CABIN1: variants seen among roughly 807,000 people sequenced by gnomAD.
CABIN1 encodes the protein calcineurin binding protein 1, also known as calcineurin-binding protein cabin-1.
In CABIN1, 133 loss-of-function variants were observed where a neutral mutation model predicts 227.7. The ratio of observed to expected loss-of-function variants is 0.58; its 90% CI spans 0.51 to 0.67. The LOEUF is 0.67. Ranked by LOEUF, CABIN1 falls within the 30% of genes least tolerant of loss-of-function variation. CABIN1 has a pLI of 0.00. For missense variants in CABIN1, 2,408 were observed against 2,852.5 expected (o/e 0.84, Z 3.55); for synonymous variants, 1,086 against 1,155.1 (o/e 0.94, Z 1.21).
intron 1 of CABIN1, among the ~76,000 whole-genome samples, chr22:24,012,433 A>G (rs1048320431): frequency 6.6e-6 from 1 of 152,142 alleles, no homozygotes; most frequent in Non-Finnish European, 1.5e-5. Flanking sequence ...AGCCTCATAC[A>G]TGAGGGGAAA....
At chr22:24,062,119 G>A (rs997042251) in intron 13 of CABIN1, 94 bp downstream of exon 13, 1 of 1,031,834 alleles carries the variant, frequency 9.7e-7, no homozygotes, top group African/African-American at 1.6e-5. Context: ...ATGGAATTTA[G>A]CCTTATATCT....
At position 24,064,163 on chromosome 22, in the gene CABIN1, T is replaced by C. The variant is rs2039412404; in HGVS notation, c.2013T>C (p.Asn671=). 1 of 1,614,222 alleles carries C rather than the reference T, an allele frequency of 6.2e-7. No homozygotes were observed. Among genetic ancestry groups the C allele is most frequent in the Non-Finnish European group, 8.5e-7 (1 of 1,180,036 alleles). The change falls in exon 15 of 37, where the codon AAT becomes AAC. Residue 671 remains asparagine (N), a synonymous_variant. Coordinates refer to ENST00000263119, the MANE Select transcript of CABIN1 (RefSeq NM_012295.4). ...TCATCCGGCTGCCCAACCTCCATAA[T>C]GACTCTGTGGTTTCCCTGGAGGAGG... ...DIVIRLPNLH[N]DSVVSLEEID... is the part of the protein sequence containing the mutation.
intron 29 of CABIN1, among the ~76,000 whole-genome samples, chr22:24,155,162 G>A (rs1170313618): frequency 6.6e-6 from 1 of 152,160 alleles, no homozygotes; most frequent in Non-Finnish European, 1.5e-5. Context: ...GACTGTCCCA[G>A]TGCAGCCTAC....
At chr22:24,096,928 A>G (rs2041928633) in intron 25 of CABIN1, among the ~76,000 whole-genome samples, 1 of 152,210 alleles carries the variant, frequency 6.6e-6, no homozygotes, top group Non-Finnish European at 1.5e-5. Flanking sequence ...TGAGTGCCAG[A>G]GAGGCCTGCA....
At chr22:24,066,861 T>G (rs182005696) in intron 15 of CABIN1, 126 bp from the exon 16 acceptor site, 105 of 849,346 alleles carry the variant, frequency 1.2e-4, no homozygotes, top group African/African-American at 9.3e-4. Flanking sequence ...TAATTTTTTT[T>G]GGGCTGGAAC....
rs546349007 is a variant in CABIN1, at chr22:24,096,128, C to T, written c.3938+46C>T. Reference sequence around the variant, plus strand: ...GACCCCTAGCAGCTTACCCCATCTGCATCCCAGATGGCTCGTTTACTGCAA... The same window carrying T: ...GACCCCTAGCAGCTTACCCCATCTGTATCCCAGATGGCTCGTTTACTGCAA... On this transcript the variant is annotated intron_variant, in intron 25 of 36. Transcript: ENST00000263119. 2.5e-5 allele frequency: 40 copies of T among 1,597,204 alleles called. 1 individual carries two copies. In the South Asian group the frequency reaches 3.5e-4, roughly 14 times the overall value.
chr22:24,166,812 C>G lies in CABIN1; in HGVS notation c.5181C>G (p.Leu1727=). The change falls in exon 32 of 37, where the codon CTC becomes CTG. Residue 1727 remains leucine (L), a synonymous_variant. Transcript: ENST00000263119. The part of the protein sequence containing the change: ...PGPEPGGKVG[L]LNHRPVAMDA... ...CCGAGCCAGGAGGCAAAGTGGGCCT[C>G]CTCAACCACCGGCCTGTGGCCATGG... The G allele has an allele frequency of 6.2e-7, 1 of 1,613,058 alleles. No homozygotes were observed. The highest frequency in any genetic ancestry group is 1.1e-5 in the South Asian group (1 of 91,090).
chr22:24,130,042 T>G (rs1478543177), intron 28 of CABIN1, among the ~76,000 whole-genome samples: 1 of 152,236 alleles, frequency 6.6e-6, no homozygotes, highest in Non-Finnish European at 1.5e-5. Context: ...GCCTGTATGC[T>G]TCTACGATTC....
Position 24,087,420 on chromosome 22 carries a change from G to T in CABIN1, c.3264-32G>T, listed in dbSNP as rs371668913. ...TCTTCCATGCTTTTCATGTAGTGTT[G>T]TTTTTAGCTGGTGCTTTTGTTACCA... On this transcript the variant is annotated intron_variant, in intron 22 of 36. Transcript: ENST00000263119. 5.6e-6 allele frequency: 9 copies of T among 1,611,444 alleles called. No homozygotes were observed. In the African/African-American group the frequency reaches 1.2e-4, roughly 22 times the overall value.
chr22:24,108,553 C>T (rs1482814841), intron 26 of CABIN1, among the ~76,000 whole-genome samples: 1 of 152,234 alleles, frequency 6.6e-6, no homozygotes, highest in African/African-American at 2.4e-5. Flanking sequence ...CGTCCCAAGT[C>T]CTCATTTCTC....
At chr22:24,120,626 A>G (rs1820092843) in intron 28 of CABIN1, among the ~76,000 whole-genome samples, 2 of 152,078 alleles carry the variant, frequency 1.3e-5, no homozygotes, top group Non-Finnish European at 2.9e-5. Context: ...GTTGAAGACC[A>G]ACCTGGTGAA....
intron 34 of CABIN1, among the ~76,000 whole-genome samples, chr22:24,174,203 C>T (rs1299966359): frequency 6.6e-6 from 1 of 151,870 alleles, no homozygotes; most frequent in Non-Finnish European, 1.5e-5. Flanking sequence ...TCATGGCTCA[C>T]TGCAGCTTCA....
At chr22:24,136,439 G>A (rs185113481) in intron 29 of CABIN1, among the ~76,000 whole-genome samples, 44 of 138,320 alleles carry the variant, frequency 3.2e-4, no homozygotes, top group Middle Eastern at 4.0e-3. Flanking sequence ...TGCAACCTCC[G>A]CCTCCTGGGT....
chr22:24,026,056 C>T (rs1312504569), intron 1 of CABIN1, among the ~76,000 whole-genome samples: 2 of 152,118 alleles, frequency 1.3e-5, no homozygotes, highest in East Asian at 1.9e-4. Flanking sequence ...AGGCTGGTCT[C>T]GAACTCCTGA....
At chr22:24,041,439 GA>G (rs991571828) in intron 5 of CABIN1, among the ~76,000 whole-genome samples, 166 bp downstream of exon 5, 27 of 152,276 alleles carry the variant, frequency 1.8e-4, no homozygotes, top group South Asian at 8.3e-4. Flanking sequence ...AATTAGTACT[GA>G]CCAGGCCTGG....
chr22:24,141,546 A>G (rs1357732814), intron 29 of CABIN1, among the ~76,000 whole-genome samples: 2 of 152,200 alleles, frequency 1.3e-5, no homozygotes, highest in African/African-American at 2.4e-5. Context: ...ACACCTTGCC[A>G]GGTGTTTTGG....
At position 24,098,185 on chromosome 22, in the gene CABIN1, G is replaced by A. The variant is rs143493213; in HGVS notation, c.4110G>A (p.Thr1370=). The A allele has an allele frequency of 2.7e-5, 44 of 1,613,918 alleles. No homozygotes were observed. The African/African-American group carries it at 4.1e-4, about 15-fold the overall frequency. ...VKCKKPHQQA[T]PDDRSQDSTA... The stretch of plus-strand genomic sequence containing the variant: ...GTAAAAAACCCCACCAGCAGGCAAC[G>A]CCGGACGGTACAGTCCCTGTTCTCC... The change falls in exon 26 of 37, where the codon ACG becomes ACA. Residue 1370 remains threonine, a synonymous_variant. Coordinates refer to ENST00000263119, the MANE Select transcript of CABIN1 (RefSeq NM_012295.4).
intron 7 of CABIN1, among the ~76,000 whole-genome samples, chr22:24,049,682 A>G (rs773727344): frequency 1.3e-5 from 2 of 152,034 alleles, no homozygotes; most frequent in African/African-American, 2.4e-5. Flanking sequence ...CTGACCCCAT[A>G]GTTCTCCCAC....
intron 1 of CABIN1, among the ~76,000 whole-genome samples, chr22:24,014,299 G>A (rs1481523879): frequency 6.6e-6 from 1 of 152,074 alleles, no homozygotes; most frequent in Non-Finnish European, 1.5e-5. Context: ...CCATGGATAT[G>A]TATTATATTC....
Sources: gnomAD v4.1 joint callset for allele counts (sites outside exome capture counted in the v4.1 genomes callset) on GRCh38, gnomAD v4.1.1 for gene constraint, MANE v1.5 for transcripts, NCBI Gene and HGNC (gene_info 2026-07-23, HGNC 2026-07-21) for gene names.